The following CSF2RA variants were observed in gnomAD, a reference collection of about 807,000 sequenced individuals.
The protein encoded by CSF2RA is granulocyte-macrophage colony-stimulating factor receptor subunit alpha.
A neutral mutation model predicts 51.6 loss-of-function variants in CSF2RA; 42 were observed. The observed-to-expected ratio is 0.81, with a 90% CI of 0.64 to 1.05. The LOEUF is 1.05. CSF2RA is among the 50% of genes least tolerant of loss of function. The pLI is 0.00. For synonymous variants in CSF2RA, 222 were observed against 193.0 expected, an observed-to-expected ratio of 1.15 and a Z score of -1.24; for missense variants, 530 against 501.1, an observed-to-expected ratio of 1.06 and a Z score of -0.55.
chrX:1,297,084 C>G (rs868400511), intron 9 of CSF2RA, among the ~76,000 whole-genome samples: 28 of 63,354 alleles, frequency 4.4e-4, no homozygotes, highest in Non-Finnish European at 6.9e-4. Context: ...CCCATGACCC[C>G]TGGCGGAACC....
the CSF2RA span, among the ~76,000 whole-genome samples, chrX:1,323,939 G>A: frequency 2.0e-5 from 3 of 152,108 alleles, no homozygotes; most frequent in Non-Finnish European, 2.9e-5. Flanking sequence ...GCGTGAACCC[G>A]GGAGGCCGAG....
At chrX:1,287,108 AG>A (rs1201772180) in intron 4 of CSF2RA, 1 of 148,040 alleles carries the variant, frequency 6.8e-6, no homozygotes, top group African/African-American at 2.5e-5. Flanking sequence ...TGCTACACGG[AG>A]GGATGGGTGG....
chrX:1,284,283 A>G (rs1217645155), intron 3 of CSF2RA, among the ~76,000 whole-genome samples: 2 of 144,356 alleles, frequency 1.4e-5, no homozygotes, highest in Non-Finnish European at 3.0e-5. Context: ...GGCTCACTGC[A>G]GCCTCAGCTT....
intron 3 of CSF2RA, 56 bp from the exon 4 acceptor site, chrX:1,285,701 CAAAAAAAAAAAAAAAAAAAAA>C: frequency 2.3e-6 from 2 of 871,234 alleles, no homozygotes; most frequent in South Asian, 1.7e-5. Context: ...GACTCCGTCT[CAAAAAAAAAAAAAAAAAAAAA>C]AAAAAAAAAG....
In CSF2RA at chrX:1,270,167, G is replaced by GACT. The variant is rs375032097; in HGVS notation, c.-91+1289_-91+1291dup. 3.3e-3 allele frequency among the ~76,000 whole-genome samples: 503 copies of GACT among 152,142 alleles called. 4 individuals carry two copies. Among genetic ancestry groups the GACT allele is most frequent in the African/African-American group, 0.011 (470 of 41,524 alleles). ...GGGAGAGATGCTCCACTACAAGGGT[G>GACT]ACTGATAAAGGATTCATCTTTGTCA... On this transcript the variant is annotated intron_variant, in intron 1 of 12. Coordinates refer to ENST00000381529, the MANE Select transcript of CSF2RA (RefSeq NM_172245.4).
chrX:1,282,593 C>A, intron 2 of CSF2RA, 85 bp from the exon 3 acceptor site: 1 of 984,916 alleles, frequency 1.0e-6, no homozygotes, highest in Non-Finnish European at 1.6e-6. Context: ...GGGTTTGTTT[C>A]CCCAAATCAC....
chrX:1,278,249 CTTCA>C (rs2089458170), intron 2 of CSF2RA, among the ~76,000 whole-genome samples: 1 of 149,828 alleles, frequency 6.7e-6, no homozygotes, highest in African/African-American at 2.5e-5. Context: ...AGTAGAATTG[CTTCA>C]ACTTGGGAGA....
chrX:1,288,952 GTTTTCTTTTTTTCCT>G (rs2091076882), intron 6 of CSF2RA, 64 bp downstream of exon 6: 4 of 1,603,368 alleles, frequency 2.5e-6, no homozygotes, highest in South Asian at 1.1e-5. Context: ...AATCATGCTG[GTTTTCTTTTTTTCCT>G]TTTTCTTTTT....
At chrX:1,322,748 A>G in the CSF2RA span, among the ~76,000 whole-genome samples, 1 of 152,026 alleles carries the variant, frequency 6.6e-6, no homozygotes, top group Admixed American at 6.6e-5. Flanking sequence ...AGTGCGTTGA[A>G]CAGTGACCCT....
chrX:1,299,243 C>G (rs1194966915), intron 9 of CSF2RA, among the ~76,000 whole-genome samples: 2 of 152,172 alleles, frequency 1.3e-5, no homozygotes, highest in Non-Finnish European at 2.9e-5. Context: ...TTATGTCTCC[C>G]TCTAAAATGC....
intron 3 of CSF2RA, among the ~76,000 whole-genome samples, chrX:1,284,497 C>T (rs1317486272): frequency 1.4e-5 from 2 of 143,718 alleles, no homozygotes; most frequent in African/African-American, 2.6e-5. Flanking sequence ...GGCGCGATCT[C>T]GGCTCACTGC....
At chrX:1,287,432 G>C (rs1364091449) in intron 4 of CSF2RA, among the ~76,000 whole-genome samples, 5 of 150,366 alleles carry the variant, frequency 3.3e-5, no homozygotes, top group African/African-American at 1.2e-4. Context: ...CATTACAGGT[G>C]TGAGCCACCG....
At chrX:1,302,500 TG>T in intron 10 of CSF2RA, among the ~76,000 whole-genome samples, 1 of 152,172 alleles carries the variant, frequency 6.6e-6, no homozygotes, top group African/African-American at 2.4e-5. Context: ...AAATTTTTTT[TG>T]TTTATTTATT....
At position 1,295,403 on chromosome X, in the gene CSF2RA, T is replaced by C. The variant is rs770172284; in HGVS notation, c.781-24T>C. ...TTAGAAATGGAAACAGTGAGCCTTGTGTTGTGTTTTGTTTTGTTTCTAGAA... is the reference window on the plus strand; with the variant it reads ...TTAGAAATGGAAACAGTGAGCCTTGCGTTGTGTTTTGTTTTGTTTCTAGAA... On this transcript the variant is annotated intron_variant, in intron 8 of 12. Transcript: ENST00000381529. 9.3e-6 allele frequency: 15 copies of C among 1,613,362 alleles called. No individual in the cohort carries two copies. In the African/African-American group the frequency reaches 1.6e-4, roughly 17 times the overall value.
the CSF2RA span, among the ~76,000 whole-genome samples, chrX:1,323,533 T>G: frequency 6.6e-6 from 1 of 152,010 alleles, no homozygotes; most frequent in African/African-American, 2.4e-5. Context: ...CCAGCAGCTC[T>G]CAGGTGGTGC....
At position 1,309,534 on chromosome X, in the gene CSF2RA, A is replaced by G. The variant is rs1281255514; in HGVS notation, c.*55A>G. The G allele has an allele frequency of 5.0e-6, 8 of 1,613,960 alleles. No individual in the cohort carries two copies. Among genetic ancestry groups the G allele is most frequent in the Non-Finnish European group, 6.8e-6 (8 of 1,179,864 alleles). On this transcript the variant is annotated 3_prime_UTR_variant, in exon 13 of 13. Transcript: ENST00000381529. Reference sequence around the variant, plus strand: ...ATCTCCGCCTCCGCGACACGGGGGAACTGTTTTCTTGATGATGCTGTGAAC... The same window carrying G: ...ATCTCCGCCTCCGCGACACGGGGGAGCTGTTTTCTTGATGATGCTGTGAAC...
At chrX:1,307,108 G>A (rs1244047503) in intron 12 of CSF2RA, among the ~76,000 whole-genome samples, 2 of 152,090 alleles carry the variant, frequency 1.3e-5, no homozygotes, top group Non-Finnish European at 2.9e-5. Context: ...ACCTCTCTCC[G>A]GCTCAGGGAC....
At chrX:1,294,857 C>CCTGG (rs2091768088) in intron 8 of CSF2RA, among the ~76,000 whole-genome samples, 1 of 61,790 alleles carries the variant, frequency 1.6e-5, no homozygotes, top group Non-Finnish European at 3.6e-5. Context: ...CCTCCACCTA[C>CCTGG]ACCCAGTGTA....
chrX:1,314,590 GCACCTGCCCAACCC>G (rs2084422530), downstream of CSF2RA, among the ~76,000 whole-genome samples: 1 of 35,456 alleles, frequency 2.8e-5, no homozygotes, highest in Non-Finnish European at 5.8e-5. Context: ...CAACCCCACT[GCACCTGCCCAACCC>G]CACTGCACCT....
Sources: gnomAD v4.1 joint callset for allele counts (sites outside exome capture counted in the v4.1 genomes callset) on GRCh38, gnomAD v4.1.1 for gene constraint, MANE v1.5 for transcripts, NCBI Gene and HGNC (gene_info 2026-07-23, HGNC 2026-07-21) for gene names.